CCDC7: variants seen among roughly 807,000 people sequenced by gnomAD.
CCDC7 encodes the protein coiled-coil domain-containing protein 7.
CCDC7 carries 183 observed loss-of-function variants against 196.9 expected under a neutral mutation model. The ratio of observed to expected loss-of-function variants is 0.93; its 90% CI spans 0.82 to 1.05. CCDC7 has a LOEUF of 1.05. Ranked by LOEUF, CCDC7 falls within the 50% of genes least tolerant of loss-of-function variation. CCDC7 has a pLI of 0.00. For synonymous variants in CCDC7, 525 were observed against 484.6 expected (o/e 1.08, Z -1.10); for missense variants, 1,540 against 1,482.2 (o/e 1.04, Z -0.64).
At chr10:32,535,774 T>C (rs1186003543) in intron 11 of CCDC7, among the ~76,000 whole-genome samples, 5 of 152,198 alleles carry the variant, frequency 3.3e-5, no homozygotes, top group East Asian at 1.9e-4. Flanking sequence ...GGGAAAGATA[T>C]TACGTTAATT....
chr10:32,538,953 G>C (rs1288661841), intron 11 of CCDC7, among the ~76,000 whole-genome samples: 1 of 152,074 alleles, frequency 6.6e-6, no homozygotes, highest in Admixed American at 6.5e-5. Flanking sequence ...TTCTTTATTT[G>C]TTGTGTCTCT....
intron 40 of CCDC7, 138 bp downstream of exon 41, chr10:32,852,070 C>T: frequency 1.2e-6 from 1 of 815,492 alleles, no homozygotes; most frequent in African/African-American, 1.8e-5. Context: ...GAGTTAAGTG[C>T]ACCTAACATT....
chr10:32,875,651 C>T (rs959828849), intron 41 of CCDC7, among the ~76,000 whole-genome samples: 2 of 151,710 alleles, frequency 1.3e-5, no homozygotes, highest in African/African-American at 4.8e-5. Flanking sequence ...TTAAATAGGC[C>T]CTTTGGTTGT....
intron 28 of CCDC7, among the ~76,000 whole-genome samples, chr10:32,735,468 G>T (rs1448654209): frequency 6.6e-6 from 1 of 152,090 alleles, no homozygotes; most frequent in Admixed American, 6.6e-5. Context: ...ATTCCTTAAT[G>T]ACATATATGT....
intron 11 of CCDC7, among the ~76,000 whole-genome samples, chr10:32,520,428 A>G (rs968069976): frequency 2.0e-5 from 3 of 152,026 alleles, no homozygotes; most frequent in Admixed American, 6.6e-5. Flanking sequence ...GGGCAAGATG[A>G]TATTTCATTG....
At chr10:32,876,376 C>A (rs1303454654) in exon 42 of CCDC7, 1 of 1,610,774 alleles carries the variant, frequency 6.2e-7, no homozygotes, top group Non-Finnish European at 8.5e-7. Flanking sequence ...AAAATCTGTA[C>A]CACACCCATA....
In CCDC7 at chr10:32,741,738, AT is replaced by A. The variant is rs1431924087; in HGVS notation, c.2905+12282del. 8.5e-5 allele frequency among the ~76,000 whole-genome samples: 13 copies of A among 152,208 alleles called. No individual in the cohort carries two copies. In the East Asian group the frequency reaches 2.1e-3, roughly 25 times the overall value. ...TCTTCCATTTCTCTTACAACTGGTA[AT>A]GTTTGTTTCATCAATTATTGAAAGA... On this transcript the variant is annotated intron_variant, in intron 28 of 41. Transcript: ENST00000639629.
At chr10:32,581,726 C>T (rs2058747870) in intron 16 of CCDC7, among the ~76,000 whole-genome samples, 1 of 151,984 alleles carries the variant, frequency 6.6e-6, no homozygotes, top group South Asian at 2.1e-4. Flanking sequence ...TTTGTATTGC[C>T]ACATATTTTC....
chr10:32,483,357 C>G (rs188741576), intron 8 of CCDC7, among the ~76,000 whole-genome samples: 38 of 151,502 alleles, frequency 2.5e-4, no homozygotes, highest in African/African-American at 5.6e-4. Flanking sequence ...TTTTTTTCTT[C>G]TAAATTTGTT....
At chr10:32,644,064 T>G (rs1003085939) in intron 20 of CCDC7, among the ~76,000 whole-genome samples, 1 of 152,118 alleles carries the variant, frequency 6.6e-6, no homozygotes, top group Non-Finnish European at 1.5e-5. Context: ...TATTTAAGAT[T>G]TTAATTTATA....
At chr10:32,847,753 A>G (rs2093368060) in intron 37 of CCDC7, 80 bp from the exon 39 acceptor site, 2 of 887,652 alleles carry the variant, frequency 2.3e-6, no homozygotes, top group African/African-American at 3.5e-5. Context: ...AGAAATTTCA[A>G]AAGAAAAAAG....
intron 33 of CCDC7, among the ~76,000 whole-genome samples, chr10:32,841,156 A>G (rs2092947899): frequency 6.6e-6 from 1 of 152,086 alleles, no homozygotes; most frequent in Non-Finnish European, 1.5e-5. Flanking sequence ...CAGAGCAATC[A>G]GACAAGGAAA....
chr10:32,696,328 G>T (rs1383307441), intron 24 of CCDC7, among the ~76,000 whole-genome samples: 1 of 152,010 alleles, frequency 6.6e-6, no homozygotes, highest in African/African-American at 2.4e-5. Context: ...CTCATGCCAG[G>T]GATTTTGGGG....
At chr10:32,687,070 G>A (rs1405342506) in intron 22 of CCDC7, among the ~76,000 whole-genome samples, 1 of 152,178 alleles carries the variant, frequency 6.6e-6, no homozygotes, top group African/African-American at 2.4e-5. Context: ...CTCAGCTTGG[G>A]TAATTACCTT....
At chr10:32,760,466 A>G (rs2077267022) in intron 28 of CCDC7, among the ~76,000 whole-genome samples, 1 of 152,078 alleles carries the variant, frequency 6.6e-6, no homozygotes, top group African/African-American at 2.4e-5. Context: ...GAAGCTGGAA[A>G]CCATCATTCT....
intron 18 of CCDC7, among the ~76,000 whole-genome samples, chr10:32,588,324 T>C (rs1342344526): frequency 6.6e-6 from 1 of 152,250 alleles, no homozygotes; most frequent in Non-Finnish European, 1.5e-5. Context: ...GGAAGTTTTC[T>C]TCTATTCATA....
intron 13 of CCDC7, among the ~76,000 whole-genome samples, chr10:32,555,647 T>A (rs910258596): frequency 6.6e-6 from 1 of 152,138 alleles, no homozygotes; most frequent in Admixed American, 6.5e-5. Context: ...GGGAAAAAAT[T>A]GTTGGTAGCC....
intron 31 of CCDC7, among the ~76,000 whole-genome samples, chr10:32,817,196 G>A (rs1040950553): frequency 2.6e-4 from 40 of 152,328 alleles, no homozygotes; most frequent in Non-Finnish European, 4.3e-4. Context: ...GTATGCACAA[G>A]CCTGAGTAGC....
intron 21 of CCDC7, among the ~76,000 whole-genome samples, chr10:32,676,014 A>G (rs1591469506): frequency 6.6e-6 from 1 of 151,820 alleles, no homozygotes; most frequent in Non-Finnish European, 1.5e-5. Context: ...CCAAAAGAGC[A>G]TGGTACTGGT....
Sources: allele counts gnomAD v4.1 joint callset (sites outside exome capture counted in the v4.1 genomes callset), GRCh38; gene constraint gnomAD v4.1.1; transcripts MANE v1.5; gene names NCBI Gene and HGNC (gene_info 2026-07-23, HGNC 2026-07-21).